Variants in GAS2L3 observed in about 807,000 individuals in gnomAD.
The protein encoded by GAS2L3 is GAS2-like protein 3.
GAS2L3 carries 28 observed loss-of-function variants against 37.0 expected under a neutral mutation model. The observed-to-expected ratio is 0.76, with a 90% confidence interval of 0.56 to 1.04. The LOEUF is 1.04. GAS2L3 is among the 50% of genes least tolerant of loss of function. The pLI is 0.00. For missense variants in GAS2L3, 793 were observed against 817.6 expected (o/e 0.97, Z 0.37); for synonymous variants, 290 against 296.6 (o/e 0.98, Z 0.23).
chr12:100,621,653 C>T (rs913553322), intron 8 of GAS2L3, among the ~76,000 whole-genome samples: 1 of 151,716 alleles, frequency 6.6e-6, no homozygotes, highest in Non-Finnish European at 1.5e-5. Flanking sequence ...TAGATATTTC[C>T]CCCAAAATAT....
At chr12:100,613,576 A>G (rs1339471310) in intron 6 of GAS2L3, among the ~76,000 whole-genome samples, 1 of 152,012 alleles carries the variant, frequency 6.6e-6, no homozygotes, top group African/African-American at 2.4e-5. Context: ...TTCATAAATC[A>G]AAGAACAATT....
chr12:100,617,943 C>T (rs1033480561), intron 7 of GAS2L3, 136 bp downstream of exon 7: 1 of 609,336 alleles, frequency 1.6e-6, no homozygotes, highest in Non-Finnish European at 2.9e-6. Flanking sequence ...CTTTTTGTTT[C>T]TTTATCAACT....
intron 3 of GAS2L3, 129 bp downstream of exon 3, chr12:100,595,051 A>G: frequency 2.5e-6 from 1 of 407,520 alleles, no homozygotes; most frequent in African/African-American, 2.1e-5. Flanking sequence ...CATTTTAATA[A>G]CACATACTAT....
intron 6 of GAS2L3, among the ~76,000 whole-genome samples, chr12:100,616,526 C>A (rs1219191655): frequency 1.3e-5 from 2 of 152,132 alleles, no homozygotes; most frequent in East Asian, 3.9e-4. Context: ...GTCTTGAACT[C>A]ATGGATTCAG....
At chr12:100,579,649 A>G in intron 1 of GAS2L3, 2 of 777,978 alleles carry the variant, frequency 2.6e-6, no homozygotes. Flanking sequence ...GTTCAAGGAC[A>G]TATTTTTCTT....
intron 1 of GAS2L3, among the ~76,000 whole-genome samples, chr12:100,591,066 C>A (rs1955840861): frequency 2.0e-5 from 3 of 152,008 alleles, no homozygotes; most frequent in South Asian, 4.2e-4. Flanking sequence ...CACCTGTACT[C>A]CAATAACTTA....
chr12:100,591,530 C>G (rs574076764), intron 1 of GAS2L3, among the ~76,000 whole-genome samples: 24 of 152,220 alleles, frequency 1.6e-4, no homozygotes, highest in African/African-American at 5.1e-4. Context: ...CCAAATTATG[C>G]CTAATGATAT....
intron 6 of GAS2L3, among the ~76,000 whole-genome samples, chr12:100,612,834 C>G (rs1436221283): frequency 6.6e-6 from 1 of 152,040 alleles, no homozygotes; most frequent in Non-Finnish European, 1.5e-5. Flanking sequence ...AGTTGTCTGC[C>G]CTGGTAGAAG....
intron 8 of GAS2L3, among the ~76,000 whole-genome samples, chr12:100,620,624 T>G (rs1956241234): frequency 6.6e-6 from 1 of 152,064 alleles, no homozygotes; most frequent in African/African-American, 2.4e-5. Flanking sequence ...ATATGTGTGC[T>G]ATATGAATAC....
intron 6 of GAS2L3, among the ~76,000 whole-genome samples, chr12:100,615,120 GC>G (rs1353575234): frequency 6.6e-6 from 1 of 152,040 alleles, no homozygotes; most frequent in African/African-American, 2.4e-5. Context: ...TTACATTTCT[GC>G]CAGCAGTGCC....
At position 100,618,311 on chromosome 12, in the gene GAS2L3, AT is replaced by A. The variant is rs1317161950; in HGVS notation, c.510-134del. On this transcript the variant is annotated intron_variant, in intron 7 of 9. Coordinates refer to ENST00000547754, the MANE Select transcript of GAS2L3 (RefSeq NM_174942.3). ...TACAATCTGTGAGACATTAAAAAGCATTTTCAAATATCCCAGTGAAACAATT... is the reference window on the plus strand; with the variant it reads ...TACAATCTGTGAGACATTAAAAAGCATTTCAAATATCCCAGTGAAACAATT... 8.5e-5 allele frequency: 69 copies of A among 811,282 alleles called. 1 individual carries two copies. In the South Asian group the frequency reaches 1.4e-3, roughly 16 times the overall value. The allele number at this position is 811,282 out of a possible 1,614,324, so 50.3% of individuals were successfully genotyped here. A position where few individuals can be genotyped will look rare whatever the true frequency, so the allele number is the denominator to read the frequency against.
chr12:100,579,150 A>G (rs963837282), intron 1 of GAS2L3: 2 of 682,996 alleles, frequency 2.9e-6, no homozygotes, highest in Non-Finnish European at 5.5e-6. Flanking sequence ...GCCATGGCCC[A>G]TGATGTTCTC....
At position 100,623,611 on chromosome 12, in the gene GAS2L3, C is replaced by A; in HGVS notation, c.806C>A (p.Thr269Asn). The part of the protein sequence containing the change: ...VMVRVGGGWD[T>N]LQGFLLKYDP... ...GTTCGCGTTGGTGGAGGCTGGGATA[C>A]TCTTCAAGGATTTTTGCTTAAATAT... is the stretch of plus-strand genomic sequence containing the variant. Residue 269 changes from threonine (T) to asparagine (N), a missense_variant, in exon 10 of 10, where the codon ACT (threonine) becomes AAT (asparagine). Transcript: ENST00000547754. 1 of 1,612,484 alleles carries A rather than the reference C, an allele frequency of 6.2e-7. No individual in the cohort carries two copies.
intron 6 of GAS2L3, among the ~76,000 whole-genome samples, chr12:100,616,366 G>A (rs960697144): frequency 3.9e-5 from 6 of 151,976 alleles, no homozygotes; most frequent in African/African-American, 1.4e-4. Context: ...CAGTTATTTT[G>A]TAGATTCTTC....
intron 5 of GAS2L3, among the ~76,000 whole-genome samples, chr12:100,604,990 C>G (rs775989641): frequency 6.6e-6 from 1 of 151,912 alleles, no homozygotes; most frequent in Non-Finnish European, 1.5e-5. Flanking sequence ...TTGTTGAATT[C>G]AGTTTGCTAG....
At chr12:100,609,072 G>C (rs1293238210) in intron 5 of GAS2L3, among the ~76,000 whole-genome samples, 1 of 152,124 alleles carries the variant, frequency 6.6e-6, no homozygotes, top group East Asian at 1.9e-4. Context: ...CCTCCCCTCT[G>C]GCCCAGGCCA....
chr12:100,579,327 G>A (rs1955678709), intron 1 of GAS2L3: 29 of 665,558 alleles, frequency 4.4e-5, no homozygotes, highest in Non-Finnish European at 1.4e-5. Context: ...ACCGTACTAC[G>A]AGCGGCACTG....
At chr12:100,577,654 CAT>C (rs374584735) in intron 1 of GAS2L3, among the ~76,000 whole-genome samples, 28 of 152,212 alleles carry the variant, frequency 1.8e-4, no homozygotes, top group African/African-American at 6.5e-4. Flanking sequence ...TTCATAGTGA[CAT>C]AGAAGAAATG....
Position 100,582,029 on chromosome 12 carries a change from C to T in GAS2L3, c.-152+8244C>T, listed in dbSNP as rs540592265. Among the ~76,000 whole-genome samples the T allele has an allele frequency of 4.9e-3, 745 of 152,262 alleles. 5 individuals are homozygous for T. The highest frequency in any genetic ancestry group is 0.014 in the Middle Eastern group (4 of 294). ...TTCAACTTTCCTAGATACTGTCACA[C>T]GTGCCCATGTTAAGAGACCACCAAA... On this transcript the variant is annotated intron_variant, in intron 1 of 9. Coordinates refer to ENST00000547754, the MANE Select transcript of GAS2L3 (RefSeq NM_174942.3).
Sources: gnomAD v4.1 joint callset for allele counts (sites outside exome capture counted in the v4.1 genomes callset) on GRCh38, gnomAD v4.1.1 for gene constraint, MANE v1.5 for transcripts, NCBI Gene and HGNC (gene_info 2026-07-23, HGNC 2026-07-21) for gene names.